Variants in SEC16B observed in about 807,000 individuals in gnomAD.
SEC16B encodes protein transport protein Sec16B.
Under a neutral mutation model 141.8 loss-of-function variants are expected in SEC16B, and 115 were observed. The ratio of observed to expected loss-of-function variants is 0.81; its 90% CI spans 0.70 to 0.95. SEC16B has a LOEUF of 0.95. SEC16B is among the 40% of genes least tolerant of loss of function. The pLI is 0.00. For missense variants in SEC16B, 1,291 were observed against 1,312.3 expected, an observed-to-expected ratio of 0.98 and a Z score of 0.25; for synonymous variants, 493 against 492.5, an observed-to-expected ratio of 1.00 and a Z score of -0.01.
At chr1:177,959,293 G>A in intron 8 of SEC16B, 1 of 369,266 alleles carries the variant, frequency 2.7e-6, no homozygotes, top group Non-Finnish European at 5.1e-6. Context: ...ATCTGGCTCT[G>A]CCACTTCTCT....
At chr1:177,961,794 G>T in intron 5 of SEC16B, 60 bp from the exon 6 acceptor site, 2 of 1,521,994 alleles carry the variant, frequency 1.3e-6, no homozygotes, top group South Asian at 1.2e-5. Context: ...CTTCTCAAGC[G>T]TTCCTTCAAA....
Position 177,960,905 on chromosome 1 carries a change from C to A in SEC16B, c.822G>T (p.Lys274Asn), listed in dbSNP as rs2101982173. 3 of 1,614,002 alleles carry A rather than the reference C, an allele frequency of 1.9e-6. No homozygotes were observed. Among genetic ancestry groups the A allele is most frequent in the East Asian group, 4.5e-5 (2 of 44,886 alleles). Residue 274 changes from lysine (K) to asparagine (N), a missense_variant, in exon 7 of 26, where the codon AAG (lysine) becomes AAT (asparagine). Physicochemically the swap from Lys to Asn is moderately conservative, Grantham distance 94. Transcript: ENST00000308284. ...TCACAGGAACATGAGGGATGTAGAA[C>A]TTCATGGGTGCTTTGGGACCAGCTG... The part of the protein sequence containing the change: ...VSSAGPKAPM[K>N]FYIPHVPVSF...
rs745860298 is a variant in SEC16B, at chr1:177,961,688, C to G, written c.689G>C (p.Gly230Ala). 6.2e-7 allele frequency: 1 copy of G among 1,613,932 alleles called. No homozygotes were observed. The highest frequency in any genetic ancestry group is 8.5e-7 in the Non-Finnish European group (1 of 1,179,860). The change falls in exon 6 of 26, where the codon GGT (glycine) becomes GCT (alanine). Residue 230 changes from glycine (G) to alanine (A), a missense_variant. Gly to Ala is a moderately conservative substitution (Grantham distance 60). This residue lies in a region of SEC16B where 681 missense variants were observed against 675.5 expected (regional missense o/e 1.01). Transcript: ENST00000308284. ...ESNLLQQRES[G>A]LSSSSYELSQ... ...GAGCTCATAGCTGCTGGAGCTGAGA[C>G]CAGACTCACGCTGCTGGAGAAGGTT... is the stretch of plus-strand genomic sequence containing the variant.
chr1:177,981,808 G>T (rs1297017263), intron 1 of SEC16B, among the ~76,000 whole-genome samples: 1 of 152,122 alleles, frequency 6.6e-6, no homozygotes, highest in Admixed American at 6.6e-5. Flanking sequence ...TATGAGTCAA[G>T]AGCTCCCAAG....
chr1:177,981,541 G>T (rs1558000131), intron 1 of SEC16B, among the ~76,000 whole-genome samples: 1 of 152,156 alleles, frequency 6.6e-6, no homozygotes, highest in Non-Finnish European at 1.5e-5. Context: ...TAACTATTAT[G>T]TGCCTCATGT....
At chr1:177,978,359 C>A (rs77567999) in intron 1 of SEC16B, among the ~76,000 whole-genome samples, 2 of 152,138 alleles carry the variant, frequency 1.3e-5, no homozygotes, top group Admixed American at 6.5e-5. Flanking sequence ...ACACTCCCTG[C>A]ACCTTGGTAA....
At position 177,960,327 on chromosome 1, in the gene SEC16B, CT is replaced by C; in HGVS notation, c.998+14del. ...TTTCAAAAGCCCTTACTCAGCAGCT[CT>C]TACAGCACTATACCTAATCAAGGGT... On this transcript the variant is annotated intron_variant, in intron 8 of 25. Transcript: ENST00000308284. 1 of 1,566,780 alleles carries C rather than the reference CT, an allele frequency of 6.4e-7. No individual in the cohort carries two copies. Among genetic ancestry groups the C allele is most frequent in the South Asian group, 1.1e-5 (1 of 88,222 alleles).
At chr1:177,950,163 A>G (rs201842192) in intron 12 of SEC16B, among the ~76,000 whole-genome samples, 4 of 146,096 alleles carry the variant, frequency 2.7e-5, no homozygotes, top group South Asian at 2.2e-4. Flanking sequence ...AAAAAAAAAA[A>G]TGAAAAGTGT....
Position 177,948,579 on chromosome 1 carries a change from GA to G in SEC16B, c.1546-638del, listed in dbSNP as rs867435607. The G allele has an allele frequency of 2.5e-5, 32 of 1,304,208 alleles. No homozygotes were observed. In the African/African-American group the frequency reaches 4.9e-4, roughly 20 times the overall value. The allele number at this position is 1,304,208 out of a possible 1,614,324, so 80.8% of individuals were successfully genotyped here. A position where few individuals can be genotyped will look rare whatever the true frequency, so the allele number is the denominator to read the frequency against. On this transcript the variant is annotated intron_variant, in intron 12 of 25. Coordinates refer to ENST00000308284, the MANE Select transcript of SEC16B (RefSeq NM_033127.4). ...GCAAAAAAGAGTAAGCAGCGTGGTG[GA>G]AATGTACAAAGCCCCGCATCAATGG...
intron 12 of SEC16B, 92 bp from the exon 13 acceptor site, chr1:177,948,034 T>A: frequency 9.5e-7 from 1 of 1,051,916 alleles, no homozygotes; most frequent in Non-Finnish European, 1.4e-6. Context: ...GGTTCAGAAG[T>A]GGTCAGAGAA....
intron 12 of SEC16B, among the ~76,000 whole-genome samples, chr1:177,950,956 GGAAA>G (rs1181982067): frequency 1.7e-5 from 2 of 114,874 alleles, no homozygotes; most frequent in Non-Finnish European, 3.4e-5. Flanking sequence ...AAGGAGGGAA[GGAAA>G]GAAGGAAGGA....
intron 18 of SEC16B, among the ~76,000 whole-genome samples, chr1:177,939,072 A>G (rs995785737): frequency 2.6e-4 from 39 of 152,204 alleles, no homozygotes; most frequent in Admixed American, 2.2e-3. Flanking sequence ...ACAGAAGCCA[A>G]GGCCTGCCCT....
At chr1:177,939,196 A>T (rs1250559085) in intron 18 of SEC16B, among the ~76,000 whole-genome samples, 2 of 152,236 alleles carry the variant, frequency 1.3e-5, no homozygotes, top group East Asian at 3.9e-4. Context: ...ACAGTTAACC[A>T]GGGATATGGT....
intron 10 of SEC16B, 31 bp from the exon 11 acceptor site, chr1:177,954,407 C>T (rs1432815750): frequency 1.3e-6 from 2 of 1,515,890 alleles, no homozygotes; most frequent in South Asian, 1.2e-5. Context: ...TTCAAGAGTG[C>T]CTTTCCCACC....
chr1:177,930,671 A>G, intron 24 of SEC16B, 28 bp from the exon 25 acceptor site: 2 of 1,542,792 alleles, frequency 1.3e-6, no homozygotes, highest in Non-Finnish European at 1.8e-6. Context: ...GGAAAATCCC[A>G]TCAGTGCCTG....
intron 1 of SEC16B, among the ~76,000 whole-genome samples, chr1:177,980,672 A>G (rs1404125639): frequency 6.6e-6 from 1 of 151,948 alleles, no homozygotes; most frequent in Non-Finnish European, 1.5e-5. Context: ...GGCAATTCCA[A>G]TAATAAGTGC....
chr1:177,971,972 G>C (rs1307958874), upstream of SEC16B, among the ~76,000 whole-genome samples: 2 of 152,204 alleles, frequency 1.3e-5, no homozygotes, highest in African/African-American at 4.8e-5. Flanking sequence ...TTATTTCAGA[G>C]AACCTGTTTA....
chr1:177,940,264 A>G (rs1651176046), intron 17 of SEC16B, among the ~76,000 whole-genome samples: 1 of 152,220 alleles, frequency 6.6e-6, no homozygotes, highest in South Asian at 2.1e-4. Flanking sequence ...ACACTGGTCC[A>G]CTGTGATCCA....
At chr1:177,938,217 T>C (rs1366070619) in intron 18 of SEC16B, among the ~76,000 whole-genome samples, 1 of 152,208 alleles carries the variant, frequency 6.6e-6, no homozygotes, top group Non-Finnish European at 1.5e-5. Context: ...TCAGTAACTT[T>C]CTCCAGATAA....
Sources: gnomAD v4.1 joint callset for allele counts (sites outside exome capture counted in the v4.1 genomes callset) on GRCh38, gnomAD v4.1.1 for gene constraint, gnomAD v4.1.1 regional missense constraint, MANE v1.5 for transcripts, NCBI Gene and HGNC (gene_info 2026-07-23, HGNC 2026-07-21) for gene names.